The following ADCK1 variants were observed in gnomAD, a reference collection of about 807,000 sequenced individuals.
The protein encoded by ADCK1 is aarF domain-containing protein kinase 1.
Under a neutral mutation model 52.3 loss-of-function variants are expected in ADCK1, and 41 were observed. The ratio of observed to expected loss-of-function variants is 0.78; its 90% CI spans 0.61 to 1.02. The LOEUF (loss-of-function observed/expected upper bound fraction) is 1.02. Among genes scored for constraint, ADCK1 ranks in the 50% least tolerant of loss-of-function variants. The pLI is 0.00. For synonymous variants in ADCK1, 250 were observed against 274.6 expected, an observed-to-expected ratio of 0.91 and a Z score of 0.89; for missense variants, 658 against 679.5, an observed-to-expected ratio of 0.97 and a Z score of 0.35.
chr14:77,805,982 T>TA (rs1360169535), intron 1 of ADCK1, among the ~76,000 whole-genome samples: 1 of 143,444 alleles, frequency 7.0e-6, no homozygotes, highest in Non-Finnish European at 1.5e-5. Flanking sequence ...ATCCTATTCT[T>TA]ACGGCTTTTT....
At chr14:77,809,744 C>A (rs2081298787) in intron 1 of ADCK1, among the ~76,000 whole-genome samples, 1 of 151,660 alleles carries the variant, frequency 6.6e-6, no homozygotes, top group Non-Finnish European at 1.5e-5. Flanking sequence ...GGTTTAAAAT[C>A]ACAAGAGAGG....
chr14:77,894,612 A>G (rs146915156), intron 5 of ADCK1, among the ~76,000 whole-genome samples: 26 of 152,044 alleles, frequency 1.7e-4, no homozygotes, highest in African/African-American at 4.6e-4. Flanking sequence ...ATGAAAGTGT[A>G]TGTGTAAAGT....
At chr14:77,861,899 T>A (rs1250365138) in intron 4 of ADCK1, among the ~76,000 whole-genome samples, 1 of 152,222 alleles carries the variant, frequency 6.6e-6, no homozygotes, top group Non-Finnish European at 1.5e-5. Flanking sequence ...TCAGCCAGAA[T>A]TTCTGCACAT....
intron 3 of ADCK1, among the ~76,000 whole-genome samples, chr14:77,845,999 A>G (rs1011678801): frequency 3.9e-5 from 6 of 152,154 alleles, no homozygotes; most frequent in Admixed American, 2.6e-4. Flanking sequence ...AGCTTTTGCT[A>G]TCGTACTTCA....
rs1566703897 is a variant in ADCK1, at chr14:77,888,195, C to A, written c.582+946C>A. ...AGCAAGATGGTGACTCTTGAGATAG[C>A]CAGGCAGCGGAAGGACAGCCCCGCG... On this transcript the variant is annotated intron_variant, in intron 5 of 10. Coordinates refer to ENST00000238561, the MANE Select transcript of ADCK1 (RefSeq NM_020421.4). 4.6e-5 allele frequency among the ~76,000 whole-genome samples: 7 copies of A among 152,152 alleles called. No individual in the cohort carries two copies. The South Asian group carries it at 1.5e-3, about 32-fold the overall frequency.
At chr14:77,904,042 G>A (rs1377768946) in intron 6 of ADCK1, among the ~76,000 whole-genome samples, 3 of 152,138 alleles carry the variant, frequency 2.0e-5, no homozygotes, top group Non-Finnish European at 4.4e-5. Flanking sequence ...AGGGAATAGA[G>A]GTAGCCTGCT....
intron 7 of ADCK1, among the ~76,000 whole-genome samples, chr14:77,916,740 C>G (rs769223862): frequency 6.6e-6 from 1 of 152,238 alleles, no homozygotes; most frequent in Non-Finnish European, 1.5e-5. Context: ...CTCACTATCT[C>G]TCCCGACACC....
At chr14:77,836,773 CTT>C (rs56672313) in intron 3 of ADCK1, among the ~76,000 whole-genome samples, 31 of 41,764 alleles carry the variant, frequency 7.4e-4, no homozygotes, top group South Asian at 1.8e-3. Context: ...TTCTTTCTTT[CTT>C]TTTTTTTTTT....
chr14:77,804,505 C>G (rs760987568), intron 1 of ADCK1, among the ~76,000 whole-genome samples: 2 of 152,144 alleles, frequency 1.3e-5, no homozygotes, highest in Middle Eastern at 3.4e-3. Context: ...TACTTCCCAC[C>G]CAGAGGTGGT....
intron 7 of ADCK1, among the ~76,000 whole-genome samples, chr14:77,915,635 A>T (rs1187146339): frequency 2.6e-5 from 4 of 152,198 alleles, no homozygotes; most frequent in African/African-American, 9.6e-5. Context: ...CTGGAAACCA[A>T]CATTCTCAGC....
Position 77,816,653 on chromosome 14 carries a change from A to G in ADCK1, c.-11-2315A>G, listed in dbSNP as rs899750340. 3.9e-5 allele frequency among the ~76,000 whole-genome samples: 6 copies of G among 151,954 alleles called. No homozygotes were observed. In the East Asian group the frequency reaches 9.6e-4, roughly 24 times the overall value. ...ATCAGTATTTTTTGCAGTCTCCTTT[A>G]TAATAAGCCAGCAAACGTAAGTGTG... On this transcript the variant is annotated intron_variant, in intron 1 of 10. Transcript: ENST00000238561.
At chr14:77,851,579 T>C (rs2082286183) in intron 3 of ADCK1, among the ~76,000 whole-genome samples, 1 of 152,226 alleles carries the variant, frequency 6.6e-6, no homozygotes. Flanking sequence ...TTCTTTTGGA[T>C]TGGGTATTTT....
At chr14:77,889,744 T>C (rs2083240063) in intron 5 of ADCK1, among the ~76,000 whole-genome samples, 1 of 152,170 alleles carries the variant, frequency 6.6e-6, no homozygotes, top group African/African-American at 2.4e-5. Flanking sequence ...GGTAAAATAG[T>C]GCTCTTGGCA....
intron 4 of ADCK1, among the ~76,000 whole-genome samples, chr14:77,874,398 A>G (rs113396145): frequency 1.3e-5 from 2 of 152,246 alleles, no homozygotes; most frequent in African/African-American, 4.8e-5. Context: ...AGGAGGTGAG[A>G]GGTGAGCAGG....
At chr14:77,815,128 C>T (rs1392433342) in intron 1 of ADCK1, among the ~76,000 whole-genome samples, 1 of 150,512 alleles carries the variant, frequency 6.6e-6, no homozygotes, top group Non-Finnish European at 1.5e-5. Context: ...CTTGACCTTC[C>T]TGCCTTGGCC....
intron 4 of ADCK1, among the ~76,000 whole-genome samples, chr14:77,862,812 A>G (rs1041704135): frequency 4.6e-5 from 7 of 152,226 alleles, no homozygotes; most frequent in African/African-American, 1.7e-4. Flanking sequence ...CTCACAGTCC[A>G]GGGTCATGGG....
chr14:77,919,549 T>G (rs183090599), intron 7 of ADCK1, among the ~76,000 whole-genome samples: 1 of 152,350 alleles, frequency 6.6e-6, no homozygotes, highest in Non-Finnish European at 1.5e-5. Context: ...GCTATAAACA[T>G]GCATGTGTGT....
intron 7 of ADCK1, among the ~76,000 whole-genome samples, chr14:77,916,287 C>T (rs1392138700): frequency 6.6e-6 from 1 of 151,804 alleles, no homozygotes; most frequent in Non-Finnish European, 1.5e-5. Context: ...TGGCCAGAGA[C>T]TTGAGGAGGC....
chr14:77,809,739 A>G (rs2081298674), intron 1 of ADCK1, among the ~76,000 whole-genome samples: 1 of 151,994 alleles, frequency 6.6e-6, no homozygotes, highest in Non-Finnish European at 1.5e-5. Flanking sequence ...AATGAGGTTT[A>G]AAATCACAAG....
Sources: gnomAD v4.1 joint callset for allele counts (sites outside exome capture counted in the v4.1 genomes callset) on GRCh38, gnomAD v4.1.1 for gene constraint, MANE v1.5 for transcripts, NCBI Gene and HGNC (gene_info 2026-07-23, HGNC 2026-07-21) for gene names.